Variants in ARHGAP21 observed in about 807,000 individuals in gnomAD.
The protein encoded by ARHGAP21 is rho GTPase-activating protein 21.
A neutral mutation model predicts 164.6 loss-of-function variants in ARHGAP21; 38 were observed. The observed-to-expected ratio is 0.23, with a 90% CI of 0.18 to 0.30. The LOEUF is 0.30. Ranked by LOEUF, ARHGAP21 falls within the 10% of genes least tolerant of loss-of-function variation. The probability of loss-of-function intolerance (pLI) is 1.00; values close to 1 mark genes in which losing one functional copy is unlikely to be tolerated. For synonymous variants in ARHGAP21, 766 were observed against 857.9 expected (o/e 0.89, Z 1.87); for missense variants, 1,822 against 2,370.7 (o/e 0.77, Z 4.81).
chr10:24,594,569 G>T (rs946762243), intron 21 of ARHGAP21, among the ~76,000 whole-genome samples: 5 of 152,126 alleles, frequency 3.3e-5, no homozygotes, highest in Non-Finnish European at 5.9e-5. Flanking sequence ...AAATGTGGTG[G>T]TGTTAAAAGG....
rs376684310 is a variant in ARHGAP21, at chr10:24,607,585, A to G, written c.2598T>C (p.Pro866=). 1 of 1,613,992 alleles carries G rather than the reference A, an allele frequency of 6.2e-7. No homozygotes were observed. The highest frequency in any genetic ancestry group is 8.5e-7 in the Non-Finnish European group (1 of 1,179,996). Residue 866 remains proline, a synonymous_variant, in exon 11 of 26, where the codon CCT becomes CCC. Transcript: ENST00000396432. ...LSHDHESVGP[P]SLDAQPNSKT... ...TTGAGTTGGGCTGAGCATCCAGGCTAGGAGGGCCAACAGATTCTGTAATTA... is the reference window on the plus strand; with the variant it reads ...TTGAGTTGGGCTGAGCATCCAGGCTGGGAGGGCCAACAGATTCTGTAATTA...
At chr10:24,666,092 C>G (rs535616138) in intron 4 of ARHGAP21, among the ~76,000 whole-genome samples, 1 of 152,020 alleles carries the variant, frequency 6.6e-6, no homozygotes, top group East Asian at 1.9e-4. Flanking sequence ...TGCAGTGGAG[C>G]GATCTCGGCT....
chr10:24,646,439 A>G (rs1214718779), intron 4 of ARHGAP21, among the ~76,000 whole-genome samples: 2 of 152,032 alleles, frequency 1.3e-5, no homozygotes. Flanking sequence ...CTAGTACAAG[A>G]CCAGCCTAGG....
intron 4 of ARHGAP21, among the ~76,000 whole-genome samples, chr10:24,646,011 ATTAGT>A (rs1285131622): frequency 6.6e-6 from 1 of 152,212 alleles, no homozygotes; most frequent in Non-Finnish European, 1.5e-5. Flanking sequence ...CTTCCCAGTA[ATTAGT>A]TTAGTGAGTG....
At chr10:24,616,877 G>A (rs1002021795) in intron 9 of ARHGAP21, among the ~76,000 whole-genome samples, 1 of 152,090 alleles carries the variant, frequency 6.6e-6, no homozygotes, top group African/African-American at 2.4e-5. Context: ...AAAGTGGGGG[G>A]TGGGAACAGT....
chr10:24,594,300 T>G (rs938192053), intron 21 of ARHGAP21, among the ~76,000 whole-genome samples: 2 of 152,162 alleles, frequency 1.3e-5, no homozygotes, highest in Non-Finnish European at 2.9e-5. Context: ...TAGACCTTGT[T>G]TGGATATTGA....
chr10:24,628,256 T>A (rs542153754), intron 7 of ARHGAP21, among the ~76,000 whole-genome samples: 1 of 152,314 alleles, frequency 6.6e-6, no homozygotes, highest in African/African-American at 2.4e-5. Flanking sequence ...TTCCTGAGCC[T>A]CCCAACTCCA....
intron 25 of ARHGAP21, 107 bp from the exon 26 acceptor site, chr10:24,586,213 G>T: frequency 7.4e-7 from 1 of 1,347,936 alleles, no homozygotes; most frequent in Non-Finnish European, 9.7e-7. Context: ...ATCTACTAAA[G>T]CTCTGGAAGC....
At chr10:24,623,707 G>A (rs1379211553) in intron 7 of ARHGAP21, among the ~76,000 whole-genome samples, 6 of 152,196 alleles carry the variant, frequency 3.9e-5, no homozygotes, top group African/African-American at 1.4e-4. Flanking sequence ...GAGGATGGGG[G>A]AGAGGAGGTC....
At chr10:24,711,814 C>T (rs771257688) in intron 2 of ARHGAP21, among the ~76,000 whole-genome samples, 7 of 152,142 alleles carry the variant, frequency 4.6e-5, no homozygotes, top group Non-Finnish European at 1.0e-4. Flanking sequence ...CAGAAGAAAC[C>T]CCAGTGTAGG....
chr10:24,648,865 G>A (rs1248461008), intron 4 of ARHGAP21: 2 of 984,828 alleles, frequency 2.0e-6, no homozygotes, highest in Non-Finnish European at 2.4e-6. Flanking sequence ...GCTCCCAAGT[G>A]TTTTAATCAT....
At chr10:24,652,262 C>T (rs892786937) in intron 4 of ARHGAP21, among the ~76,000 whole-genome samples, 1 of 152,218 alleles carries the variant, frequency 6.6e-6, no homozygotes, top group South Asian at 2.1e-4. Context: ...GGACTTTCCA[C>T]AAAATAGTGT....
intron 7 of ARHGAP21, among the ~76,000 whole-genome samples, chr10:24,628,772 C>T (rs201655889): frequency 7.5e-6 from 1 of 133,738 alleles, no homozygotes; most frequent in Admixed American, 7.6e-5. Context: ...TGTGTGTGTG[C>T]ATATATATAT....
At chr10:24,687,863 G>GT (rs970243767) in intron 2 of ARHGAP21, among the ~76,000 whole-genome samples, 2 of 152,208 alleles carry the variant, frequency 1.3e-5, no homozygotes, top group African/African-American at 4.8e-5. Context: ...CACATATCAT[G>GT]TGGTTTCACT....
chr10:24,622,459 T>C (rs1452856155), intron 8 of ARHGAP21, among the ~76,000 whole-genome samples: 1 of 124,138 alleles, frequency 8.1e-6, no homozygotes, highest in African/African-American at 3.1e-5. Context: ...TATATATATA[T>C]ATATATATAT....
chr10:24,620,891 C>A lies in ARHGAP21; in HGVS notation c.1004G>T (p.Gly335Val), dbSNP rs558476588. The A allele has an allele frequency of 3.1e-6, 5 of 1,613,860 alleles. No homozygotes were observed. The South Asian group carries it at 5.5e-5, about 18-fold the overall frequency. Residue 335 changes from glycine to valine, a missense_variant, in exon 9 of 26, where the codon GGC (glycine) becomes GTC (valine). Physicochemically the swap from Gly to Val is moderately radical, Grantham distance 109 (BLOSUM62 -3). Around this residue, in one of 5 missense-constraint regions of ARHGAP21, gnomAD observed 1,090 missense variants for 1,378.9 expected, o/e 0.79. Transcript: ENST00000396432. ...PTTHLIHQPA[G>V]SRSLEPSGIL... ...TCCAGAAGGTTCCAGTGATCTGGAG[C>A]CTGCAGGCTGATGAATTAGATGAGT...
rs548355818 is a variant in ARHGAP21, at chr10:24,650,033, A to C, written c.269-14930T>G. Among the ~76,000 whole-genome samples the C allele has an allele frequency of 3.3e-5, 5 of 152,300 alleles. No individual in the cohort carries two copies. In the South Asian group the frequency reaches 1.0e-3, roughly 32 times the overall value. On this transcript the variant is annotated intron_variant, in intron 4 of 25. Coordinates refer to ENST00000396432, the MANE Select transcript of ARHGAP21 (RefSeq NM_020824.4). The stretch of plus-strand genomic sequence containing the variant: ...AACTAGAATGCAGACCAGAAAGACA[A>C]AAAAGAAGAAGAAAAAGAAAAACTA...
chr10:24,592,061 G>T, intron 21 of ARHGAP21, 49 bp from the exon 22 acceptor site: 1 of 1,425,002 alleles, frequency 7.0e-7, no homozygotes, highest in African/African-American at 1.4e-5. Flanking sequence ...TCTTAAGGAA[G>T]TAGGCTGAAA....
chr10:24,678,495 TTTGTTG>T (rs1414786719), intron 2 of ARHGAP21, among the ~76,000 whole-genome samples: 1 of 152,044 alleles, frequency 6.6e-6, no homozygotes, highest in African/African-American at 2.4e-5. Flanking sequence ...TTTCTGTCTT[TTTGTTG>T]TTGTTGTTTT....
Sources: gnomAD v4.1 joint callset for allele counts (sites outside exome capture counted in the v4.1 genomes callset) on GRCh38, gnomAD v4.1.1 for gene constraint, gnomAD v4.1.1 regional missense constraint, MANE v1.5 for transcripts, NCBI Gene and HGNC (gene_info 2026-07-23, HGNC 2026-07-21) for gene names.